CCDC141: variants seen among roughly 807,000 people sequenced by gnomAD.
CCDC141 encodes coiled-coil domain-containing protein 141.
CCDC141 carries 168 observed loss-of-function variants against 181.0 expected under a neutral mutation model. The ratio of observed to expected loss-of-function variants is 0.93; its 90% CI spans 0.82 to 1.05. The LOEUF (loss-of-function observed/expected upper bound fraction) is 1.05, where lower values mean the gene tolerates loss of function less well. CCDC141 is among the 50% of genes least tolerant of loss of function. The pLI is 0.00. For synonymous variants in CCDC141, 666 were observed against 642.3 expected, an observed-to-expected ratio of 1.04 and a Z score of -0.56; for missense variants, 1,902 against 1,788.5, an observed-to-expected ratio of 1.06 and a Z score of -1.14.
At chr2:178,966,109 C>T (rs955916316) in intron 4 of CCDC141, among the ~76,000 whole-genome samples, 1 of 152,182 alleles carries the variant, frequency 6.6e-6, no homozygotes, top group Non-Finnish European at 1.5e-5. Context: ...AAAAGGCAGC[C>T]GCCCCAGTCA....
intron 2 of CCDC141, among the ~76,000 whole-genome samples, chr2:179,015,365 T>C (rs1177799212): frequency 1.4e-5 from 2 of 141,528 alleles, no homozygotes; most frequent in East Asian, 2.1e-4. Flanking sequence ...ATATCCCATA[T>C]ATGTATCATA....
At chr2:178,835,093 C>T (rs2154365573) in intron 23 of CCDC141, among the ~76,000 whole-genome samples, 1 of 152,216 alleles carries the variant, frequency 6.6e-6, no homozygotes, top group African/African-American at 2.4e-5. Context: ...TGTGAAATGG[C>T]ACCCTCATGT....
At chr2:178,932,811 A>G (rs1689150629) in intron 6 of CCDC141, among the ~76,000 whole-genome samples, 1 of 152,216 alleles carries the variant, frequency 6.6e-6, no homozygotes, top group Non-Finnish European at 1.5e-5. Flanking sequence ...ACATATTTTG[A>G]AAGAGACTTT....
At chr2:178,884,276 A>C (rs1290418968) in intron 11 of CCDC141, among the ~76,000 whole-genome samples, 3 of 151,726 alleles carry the variant, frequency 2.0e-5, no homozygotes, top group Non-Finnish European at 4.4e-5. Context: ...GGGACCCCAA[A>C]CTCACTATGA....
intron 2 of CCDC141, among the ~76,000 whole-genome samples, chr2:178,999,110 A>G (rs1264954433): frequency 1.3e-5 from 2 of 152,138 alleles, no homozygotes; most frequent in East Asian, 3.8e-4. Context: ...ACTGTCTACT[A>G]ACTTATTTCT....
intron 11 of CCDC141, among the ~76,000 whole-genome samples, chr2:178,879,928 T>C (rs959535113): frequency 5.6e-5 from 8 of 142,120 alleles, no homozygotes; most frequent in Admixed American, 1.4e-4. Flanking sequence ...TGAATGGTAA[T>C]AGACAGAGGG....
chr2:179,050,086 G>C lies in CCDC141; in HGVS notation c.-145C>G. The C allele has an allele frequency of 7.6e-7, 1 of 1,313,920 alleles. No individual in the cohort carries two copies. 81.4% of individuals were successfully genotyped at this position (1,313,920 alleles called of 1,614,324 possible). A position where few individuals can be genotyped will look rare whatever the true frequency, so the allele number is the denominator to read the frequency against. Reference sequence around the variant, plus strand: ...ATTACTCTGCCAAAAGGAAAGAACAGGAGGTTAAAAATAGACAACCCCATT... The same window carrying C: ...ATTACTCTGCCAAAAGGAAAGAACACGAGGTTAAAAATAGACAACCCCATT... On this transcript the variant is annotated 5_prime_UTR_variant, in exon 1 of 24. Coordinates refer to ENST00000443758, the MANE Select transcript of CCDC141 (RefSeq NM_173648.4).
intron 2 of CCDC141, among the ~76,000 whole-genome samples, chr2:179,015,094 A>ATACAT (rs2042409364): frequency 4.4e-5 from 2 of 45,836 alleles, no homozygotes; most frequent in Non-Finnish European, 1.2e-4. Flanking sequence ...ATATATATAT[A>ATACAT]TATATATATA....
intron 5 of CCDC141, among the ~76,000 whole-genome samples, chr2:178,956,778 A>G (rs1205342273): frequency 6.6e-6 from 1 of 152,202 alleles, no homozygotes; most frequent in African/African-American, 2.4e-5. Flanking sequence ...AAGCCTAACT[A>G]TACTTGTAAC....
At chr2:178,929,371 G>A (rs1689016809) in intron 6 of CCDC141, among the ~76,000 whole-genome samples, 1 of 152,092 alleles carries the variant, frequency 6.6e-6, no homozygotes, top group African/African-American at 2.4e-5. Context: ...GCAATGAGAA[G>A]AAAATTGTTC....
At chr2:178,967,227 C>T (rs1340460071) in intron 4 of CCDC141, among the ~76,000 whole-genome samples, 1 of 152,112 alleles carries the variant, frequency 6.6e-6, no homozygotes, top group Admixed American at 6.5e-5. Context: ...GGCAGGCCAA[C>T]ATTCAAATTC....
intron 12 of CCDC141, 65 bp from the exon 13 acceptor site, chr2:178,872,377 T>C: frequency 7.1e-7 from 1 of 1,409,858 alleles, no homozygotes; most frequent in Non-Finnish European, 9.7e-7. Context: ...TTGTTGTATA[T>C]AACTATTTTA....
intron 22 of CCDC141, among the ~76,000 whole-genome samples, chr2:178,843,226 G>C (rs1320399234): frequency 1.3e-5 from 2 of 152,140 alleles, no homozygotes; most frequent in African/African-American, 4.8e-5. Flanking sequence ...GGAGAATTGG[G>C]GTGACTGCCA....
intron 6 of CCDC141, among the ~76,000 whole-genome samples, chr2:178,943,387 C>T (rs1017115670): frequency 7.9e-5 from 12 of 152,122 alleles, no homozygotes; most frequent in Admixed American, 6.5e-4. Context: ...CTACAAGACA[C>T]TGGAGTGTTC....
At position 178,949,933 on chromosome 2, in the gene CCDC141, C is replaced by T. The variant is rs1417260231; in HGVS notation, c.781-5282G>A. Among the ~76,000 whole-genome samples the T allele has an allele frequency of 3.3e-5, 5 of 152,168 alleles. No individual in the cohort carries two copies. The East Asian group carries it at 5.8e-4, about 18-fold the overall frequency. On this transcript the variant is annotated intron_variant, in intron 5 of 23. Transcript: ENST00000443758. ...AAGCAACACATCAGAATGCCATAAGCCACTGCAGTTTATTTTTCTGCAATT... is the reference window on the plus strand; with the variant it reads ...AAGCAACACATCAGAATGCCATAAGTCACTGCAGTTTATTTTTCTGCAATT...
At chr2:179,004,156 A>G (rs16866594) in intron 2 of CCDC141, among the ~76,000 whole-genome samples, 1 of 152,184 alleles carries the variant, frequency 6.6e-6, no homozygotes, top group Non-Finnish European at 1.5e-5. Context: ...TGTTAAAATA[A>G]GAATGAAATG....
At chr2:178,836,759 T>C (rs1462743812) in intron 23 of CCDC141, 135 bp downstream of exon 23, 6 of 932,850 alleles carry the variant, frequency 6.4e-6, no homozygotes, top group Non-Finnish European at 8.0e-6. Context: ...TGATGTGAGA[T>C]TGAATCATGC....
At chr2:178,912,807 C>A (rs1314919146) in intron 7 of CCDC141, among the ~76,000 whole-genome samples, 1 of 152,226 alleles carries the variant, frequency 6.6e-6, no homozygotes, top group Non-Finnish European at 1.5e-5. Context: ...TTTAGGTGTA[C>A]ACCCTACATT....
At chr2:178,866,290 G>A (rs897331533) in intron 16 of CCDC141, among the ~76,000 whole-genome samples, 2 of 152,186 alleles carry the variant, frequency 1.3e-5, no homozygotes, top group African/African-American at 4.8e-5. Context: ...GGTTCATTAT[G>A]CAAGTGCTCC....
Sources: allele counts gnomAD v4.1 joint callset (sites outside exome capture counted in the v4.1 genomes callset), GRCh38; gene constraint gnomAD v4.1.1; transcripts MANE v1.5; gene names NCBI Gene and HGNC (gene_info 2026-07-23, HGNC 2026-07-21).